PAPPA2: variants seen among roughly 807,000 people sequenced by gnomAD.
PAPPA2 encodes pappalysin 2, also known as pappalysin-2.
PAPPA2 carries 86 observed loss-of-function variants against 176.4 expected under a neutral mutation model. The observed-to-expected ratio is 0.49, with a 90% CI of 0.41 to 0.58. The LOEUF is 0.58. Ranked by LOEUF, PAPPA2 falls within the 20% of genes least tolerant of loss-of-function variation. The pLI is 0.00. For synonymous variants in PAPPA2, 809 were observed against 852.2 expected (o/e 0.95, Z 0.88); for missense variants, 2,073 against 2,256.9 (o/e 0.92, Z 1.65).
intron 3 of PAPPA2, among the ~76,000 whole-genome samples, chr1:176,638,532 A>G (rs1343724015): frequency 6.6e-6 from 1 of 151,996 alleles, no homozygotes; most frequent in Non-Finnish European, 1.5e-5. Flanking sequence ...TCTTTGGCCC[A>G]GTCTCCCCCA....
In PAPPA2 at chr1:176,548,777, G is replaced by A. The variant is rs1035336142; in HGVS notation, c.-916-6630G>A. Among the ~76,000 whole-genome samples the A allele has an allele frequency of 2.6e-5, 4 of 152,066 alleles. No homozygotes were observed. The South Asian group carries it at 6.2e-4, about 24-fold the overall frequency. On this transcript the variant is annotated intron_variant, in intron 1 of 22. Transcript: ENST00000367662. Reference sequence around the variant, plus strand: ...TACATTGATGCTACACTGGGCATGTGGTATGCGCTCAATAAATGCTAGCTA... The same window carrying A: ...TACATTGATGCTACACTGGGCATGTAGTATGCGCTCAATAAATGCTAGCTA...
intron 12 of PAPPA2, among the ~76,000 whole-genome samples, chr1:176,720,169 T>C (rs1661554757): frequency 6.6e-6 from 1 of 152,200 alleles, no homozygotes; most frequent in Admixed American, 6.5e-5. Context: ...ACTGTCAGTA[T>C]ATAATTTTAG....
chr1:176,720,463 G>C (rs1661567643), intron 12 of PAPPA2, among the ~76,000 whole-genome samples: 2 of 151,938 alleles, frequency 1.3e-5, no homozygotes, highest in Non-Finnish European at 2.9e-5. Context: ...ATGTAATTAA[G>C]AATGTTCAGT....
intron 1 of PAPPA2, among the ~76,000 whole-genome samples, chr1:176,487,625 C>A (rs1437313040): frequency 6.6e-6 from 1 of 152,146 alleles, no homozygotes; most frequent in Non-Finnish European, 1.5e-5. Context: ...TGGATTGGTT[C>A]ACCAAGAATT....
intron 21 of PAPPA2, among the ~76,000 whole-genome samples, chr1:176,816,785 G>C (rs940136965): frequency 1.3e-5 from 2 of 152,122 alleles, no homozygotes; most frequent in Admixed American, 1.3e-4. Context: ...CTTCAACAGA[G>C]TCTGTGCCTA....
chr1:176,820,216 C>T (rs1376512001), intron 21 of PAPPA2, among the ~76,000 whole-genome samples: 3 of 152,120 alleles, frequency 2.0e-5, no homozygotes, highest in African/African-American at 7.2e-5. Context: ...GCCCAGTGAT[C>T]CTAAGTAAGC....
chr1:176,621,194 G>A (rs906794669), intron 3 of PAPPA2, among the ~76,000 whole-genome samples: 5 of 152,170 alleles, frequency 3.3e-5, no homozygotes, highest in Non-Finnish European at 7.3e-5. Context: ...CTGAGGTTGA[G>A]GACATCTGGT....
intron 3 of PAPPA2, among the ~76,000 whole-genome samples, chr1:176,602,659 G>A (rs1259418740): frequency 6.6e-6 from 1 of 152,042 alleles, no homozygotes; most frequent in African/African-American, 2.4e-5. Flanking sequence ...AAGCGTAAGG[G>A]GTAGAAGAGG....
At chr1:176,819,686 G>A (rs999268328) in intron 21 of PAPPA2, among the ~76,000 whole-genome samples, 3 of 152,282 alleles carry the variant, frequency 2.0e-5, no homozygotes, top group Non-Finnish European at 4.4e-5. Context: ...AGGCTGAGCC[G>A]AGGCATAGCC....
chr1:176,692,216 G>T lies in PAPPA2; in HGVS notation c.2522G>T (p.Arg841Ile). The change falls in exon 6 of 23, where the codon AGA (arginine) becomes ATA (isoleucine). Residue 841 changes from arginine to isoleucine, a missense_variant. This residue lies in a region of PAPPA2 where 1,196 missense variants were observed against 1,330.4 expected (regional missense o/e 0.90). Coordinates refer to ENST00000367662, the MANE Select transcript of PAPPA2 (RefSeq NM_020318.3). ...GTCTATCAGCAGTGGACTGAAAGCA[G>T]AAAGCCCACCCCCATCCCCATTCCA... ...DLVYQQWTES[R>I]KPTPIPIPPM... 1 of 1,614,068 alleles carries T rather than the reference G, an allele frequency of 6.2e-7. No homozygotes were observed. Among genetic ancestry groups the T allele is most frequent in the Non-Finnish European group, 8.5e-7 (1 of 1,179,960 alleles).
At chr1:176,790,133 GAAAATACCACATTTTTA>G (rs1665112562) in intron 18 of PAPPA2, among the ~76,000 whole-genome samples, 156 bp downstream of exon 18, 1 of 152,148 alleles carries the variant, frequency 6.6e-6, no homozygotes, top group Non-Finnish European at 1.5e-5. Flanking sequence ...AGAAAATTCA[GAAAATACCACATTTTTA>G]AAATGTTCTC....
chr1:176,663,723 A>C (rs1014349644), intron 3 of PAPPA2, among the ~76,000 whole-genome samples: 13 of 152,112 alleles, frequency 8.5e-5, no homozygotes, highest in Non-Finnish European at 1.6e-4. Flanking sequence ...CCACATAGCC[A>C]TTGAGTGGAG....
At chr1:176,641,705 G>T (rs988475024) in intron 3 of PAPPA2, among the ~76,000 whole-genome samples, 1 of 151,932 alleles carries the variant, frequency 6.6e-6, no homozygotes, top group East Asian at 1.9e-4. Context: ...TTATAATAAA[G>T]AAATGAGTAC....
intron 3 of PAPPA2, among the ~76,000 whole-genome samples, chr1:176,653,688 G>A (rs1657874888): frequency 6.6e-6 from 1 of 151,632 alleles, no homozygotes; most frequent in Admixed American, 6.6e-5. Context: ...TTGTGGCTGA[G>A]ATTCTGGTTT....
chr1:176,777,416 T>A (rs1445764129), intron 17 of PAPPA2, among the ~76,000 whole-genome samples: 1 of 152,146 alleles, frequency 6.6e-6, no homozygotes, highest in Non-Finnish European at 1.5e-5. Context: ...GGAGACTGGG[T>A]CTAGTTCTCC....
chr1:176,501,550 T>TA (rs1647964280), intron 1 of PAPPA2, among the ~76,000 whole-genome samples: 1 of 152,210 alleles, frequency 6.6e-6, no homozygotes, highest in South Asian at 2.1e-4. Flanking sequence ...AGTAATGTAC[T>TA]ACTGCCCCCT....
At chr1:176,476,532 A>G (rs1222459631) in intron 1 of PAPPA2, among the ~76,000 whole-genome samples, 1 of 152,244 alleles carries the variant, frequency 6.6e-6, no homozygotes, top group African/African-American at 2.4e-5. Context: ...GGGCCAGGTC[A>G]GTAGCAGGAG....
At chr1:176,585,064 C>T (rs767819872) in intron 2 of PAPPA2, among the ~76,000 whole-genome samples, 1 of 152,152 alleles carries the variant, frequency 6.6e-6, no homozygotes, top group African/African-American at 2.4e-5. Flanking sequence ...TGTGTATTTG[C>T]TCTATCTGCA....
intron 3 of PAPPA2, among the ~76,000 whole-genome samples, chr1:176,647,332 T>C (rs777066093): frequency 6.6e-6 from 1 of 151,674 alleles, no homozygotes; most frequent in Non-Finnish European, 1.5e-5. Context: ...AGATGGGTAG[T>C]TTGCAAATAT....
Sources: allele counts gnomAD v4.1 joint callset (sites outside exome capture counted in the v4.1 genomes callset), GRCh38; gene constraint gnomAD v4.1.1; regional missense constraint gnomAD v4.1.1; transcripts MANE v1.5; gene names NCBI Gene and HGNC (gene_info 2026-07-23, HGNC 2026-07-21).